MEGF10: variants seen among roughly 807,000 people sequenced by gnomAD.
The protein encoded by MEGF10 is multiple EGF like domains 10.
Under a neutral mutation model 147.5 loss-of-function variants are expected in MEGF10, and 86 were observed. The ratio of observed to expected loss-of-function variants is 0.58; its 90% CI spans 0.49 to 0.70. MEGF10 has a LOEUF of 0.70. Among genes scored for constraint, MEGF10 ranks in the 30% least tolerant of loss-of-function variants. The probability of loss-of-function intolerance (pLI) is 0.00; values close to 1 mark genes in which losing one functional copy is unlikely to be tolerated. For missense variants in MEGF10, 1,329 were observed against 1,487.3 expected, an observed-to-expected ratio of 0.89 and a Z score of 1.75; for synonymous variants, 478 against 525.5, an observed-to-expected ratio of 0.91 and a Z score of 1.24.
intron 4 of MEGF10, among the ~76,000 whole-genome samples, chr5:127,352,971 G>A (rs569619596): frequency 7.2e-4 from 109 of 152,286 alleles, no homozygotes; most frequent in African/African-American, 2.4e-3. Flanking sequence ...TCGACATCAC[G>A]GATGCTCATT....
intron 4 of MEGF10, among the ~76,000 whole-genome samples, chr5:127,349,678 C>G (rs1456799497): frequency 8.0e-6 from 1 of 125,004 alleles, no homozygotes; most frequent in African/African-American, 2.6e-5. Context: ...TGGGACAGGA[C>G]TTCCTTTTTT....
At chr5:127,388,037 C>T (rs1285529199) in intron 5 of MEGF10, among the ~76,000 whole-genome samples, 1 of 152,166 alleles carries the variant, frequency 6.6e-6, no homozygotes, top group Non-Finnish European at 1.5e-5. Context: ...TGAATGCCAG[C>T]CATGTGCCAG....
In MEGF10 at chr5:127,440,844, T is replaced by G; in HGVS notation, c.2339T>G (p.Phe780Cys). ...ISGQCTCRTG[F>C]MGRHCEQKCP... The stretch of plus-strand genomic sequence containing the variant: ...GGGCAGTGTACTTGCCGCACTGGAT[T>G]CATGGGACGGCACTGTGAGCAGAGT... The change falls in exon 18 of 25, where the codon TTC becomes TGC. Residue 780 changes from phenylalanine (F) to cysteine (C), a missense_variant. By Grantham distance (205) the Phe-to-Cys change is radical. Coordinates refer to ENST00000503335, the MANE Select transcript of MEGF10 (RefSeq NM_001256545.2). The G allele has an allele frequency of 6.2e-7, 1 of 1,614,122 alleles. No homozygotes were observed. Among genetic ancestry groups the G allele is most frequent in the Non-Finnish European group, 8.5e-7 (1 of 1,179,964 alleles).
At chr5:127,339,020 G>T (rs1314366385) in intron 2 of MEGF10, 100 bp from the exon 3 acceptor site, 5 of 590,606 alleles carry the variant, frequency 8.5e-6, no homozygotes, top group Non-Finnish European at 1.4e-5. Context: ...CTATGGAGTT[G>T]CAAATGGAGA....
chr5:127,259,002 T>G, the MEGF10 span, among the ~76,000 whole-genome samples: 7,102 of 152,198 alleles, frequency 0.047, 276 homozygotes, highest in African/African-American at 0.1. Flanking sequence ...TGGCTGAGGG[T>G]GCCACAGTTA....
chr5:127,230,115 T>A, the MEGF10 span, among the ~76,000 whole-genome samples: 1 of 152,076 alleles, frequency 6.6e-6, no homozygotes, highest in African/African-American at 2.4e-5. Context: ...GTCCATGTCG[T>A]TCCCCAAGTG....
In MEGF10 at chr5:127,357,496, G is replaced by A. The variant is rs576618717; in HGVS notation, c.320-12414G>A. 2.0e-5 allele frequency among the ~76,000 whole-genome samples: 3 copies of A among 152,002 alleles called. No individual in the cohort carries two copies. The East Asian group carries it at 5.8e-4, about 29-fold the overall frequency. On this transcript the variant is annotated intron_variant, in intron 4 of 24. Transcript: ENST00000503335. ...GAAGACAAAAGGGAGACTGAGGTGG[G>A]AGGATCACTTCAGCCTGGGAGGTAG...
In MEGF10 at chr5:127,369,910, C is replaced by G. The variant is rs745615372; in HGVS notation, c.320C>G (p.Pro107Arg). 6.3e-7 allele frequency: 1 copy of G among 1,596,168 alleles called. No homozygotes were observed. The highest frequency in any genetic ancestry group is 8.5e-7 in the Non-Finnish European group (1 of 1,170,314). Residue 107 changes from proline (P) to arginine (R), a missense_variant and splice_region_variant, in exon 5 of 25, where the codon CCC becomes CGC. Pro to Arg is a moderately radical substitution (Grantham distance 103). This residue lies in a region of MEGF10 where 980 missense variants were observed against 1,085.9 expected (regional missense o/e 0.90). Transcript: ENST00000503335. ...ATTTGATTGATTTTCTCTCTGACAG[C>G]CCACTGTGCTGATAAATGTGTCCAT... The part of the protein sequence containing the change: ...GFYESGEMCV[P>R]HCADKCVHGR...
the MEGF10 span, among the ~76,000 whole-genome samples, chr5:127,257,140 G>A: frequency 6.6e-6 from 1 of 152,048 alleles, no homozygotes; most frequent in Non-Finnish European, 1.5e-5. Flanking sequence ...GAGTCTCCCA[G>A]TTAATCTCTT....
intron 9 of MEGF10, among the ~76,000 whole-genome samples, chr5:127,413,030 G>A (rs746866964): frequency 3.9e-5 from 6 of 152,032 alleles, no homozygotes; most frequent in Non-Finnish European, 7.4e-5. Context: ...TGTCATGTTC[G>A]CTAATACCCC....
intron 13 of MEGF10, among the ~76,000 whole-genome samples, chr5:127,424,011 T>C (rs898366362): frequency 1.3e-5 from 2 of 152,222 alleles, no homozygotes; most frequent in Non-Finnish European, 2.9e-5. Context: ...TTAGCTTCTG[T>C]ATTTAGATAT....
chr5:127,321,705 G>A (rs560401539), intron 1 of MEGF10, among the ~76,000 whole-genome samples: 11 of 152,192 alleles, frequency 7.2e-5, no homozygotes, highest in South Asian at 2.1e-4. Context: ...GTAGGTGCCC[G>A]TTGTCATGCC....
Position 127,447,577 on chromosome 5 carries a change from G to C in MEGF10, c.2749G>C (p.Gly917Arg), listed in dbSNP as rs779588329. ...TISGTLPHSNGGNANSHYFTN... is the reference protein window; with the variant it reads ...TISGTLPHSNRGNANSHYFTN... ...TGCAGGAACCCTTCCTCACAGCAAT[G>C]GTGGAAACGCTAATAGCCACTACTT... is the stretch of plus-strand genomic sequence containing the variant. Residue 917 changes from glycine (G) to arginine (R), a missense_variant, in exon 21 of 25, where the codon GGT (glycine) becomes CGT (arginine). Gly to Arg is a moderately radical substitution (Grantham distance 125, BLOSUM62 -2). Transcript: ENST00000503335. 2.8e-5 allele frequency: 46 copies of C among 1,614,038 alleles called. 1 individual carries two copies. The South Asian group carries it at 4.9e-4, about 17-fold the overall frequency.
chr5:127,310,425 T>C (rs1019472687), intron 1 of MEGF10, among the ~76,000 whole-genome samples: 9 of 152,102 alleles, frequency 5.9e-5, no homozygotes, highest in African/African-American at 1.9e-4. Context: ...TGAAGTTCAG[T>C]TTATCTGTTT....
Position 127,457,441 on chromosome 5 carries a change from T to C in MEGF10, c.*123T>C. 1 of 1,095,364 alleles carries C rather than the reference T, an allele frequency of 9.1e-7. No individual in the cohort carries two copies. Among genetic ancestry groups the C allele is most frequent in the Non-Finnish European group, 1.3e-6 (1 of 786,562 alleles). 67.9% of individuals were successfully genotyped at this position (1,095,364 alleles called of 1,614,324 possible). ...CAATTCGGTGGGCAATTTTTGGACA[T>C]GAACCAGAAAGCTGAAAGCTGAGGC... On this transcript the variant is annotated 3_prime_UTR_variant, in exon 25 of 25. Coordinates refer to ENST00000503335, the MANE Select transcript of MEGF10 (RefSeq NM_001256545.2).
chr5:127,440,900 AT>A, intron 18 of MEGF10, 33 bp downstream of exon 18: 2 of 1,602,720 alleles, frequency 1.2e-6, no homozygotes, highest in Non-Finnish European at 8.5e-7. Flanking sequence ...ACTGGGTGGT[AT>A]TTTTTTCCTC....
intron 1 of MEGF10, among the ~76,000 whole-genome samples, chr5:127,292,881 A>G (rs1028654612): frequency 5.3e-5 from 7 of 130,950 alleles, no homozygotes; most frequent in Non-Finnish European, 1.1e-4. Flanking sequence ...ATGGCTATGC[A>G]TGAGTATTGG....
At chr5:127,319,423 C>T (rs1760707389) in intron 1 of MEGF10, among the ~76,000 whole-genome samples, 1 of 152,056 alleles carries the variant, frequency 6.6e-6, no homozygotes, top group Non-Finnish European at 1.5e-5. Context: ...AATATTTGTT[C>T]AGATTTACAT....
intron 17 of MEGF10, among the ~76,000 whole-genome samples, chr5:127,440,309 A>G (rs143292525): frequency 4.6e-4 from 70 of 152,330 alleles, no homozygotes; most frequent in African/African-American, 1.6e-3. Flanking sequence ...GCAACAATAG[A>G]GATGTTCTGT....
Sources: gnomAD v4.1 joint callset for allele counts (sites outside exome capture counted in the v4.1 genomes callset) on GRCh38, gnomAD v4.1.1 for gene constraint, gnomAD v4.1.1 regional missense constraint, MANE v1.5 for transcripts, NCBI Gene and HGNC (gene_info 2026-07-23, HGNC 2026-07-21) for gene names.